The following VGLL4 variants were observed in gnomAD, a reference collection of about 807,000 sequenced individuals.
The protein encoded by VGLL4 is vestigial like family member 4.
A neutral mutation model predicts 21.0 loss-of-function variants in VGLL4; 7 were observed. The ratio of observed to expected loss-of-function variants is 0.33; its 90% CI spans 0.19 to 0.63. The LOEUF is 0.63. VGLL4 is among the 20% of genes least tolerant of loss of function. VGLL4 has a pLI of 0.78. For synonymous variants in VGLL4, 222 were observed against 173.2 expected (o/e 1.28, Z -2.21); for missense variants, 394 against 425.7 (o/e 0.93, Z 0.66).
At chr3:11,676,201 C>G (rs1006034163) in intron 2 of VGLL4, among the ~76,000 whole-genome samples, 2 of 152,018 alleles carry the variant, frequency 1.3e-5, no homozygotes, top group African/African-American at 4.8e-5. Context: ...TCCTGGCTAA[C>G]ACGGTGAAAC....
chr3:11,710,862 G>A (rs1559958262), intron 1 of VGLL4, among the ~76,000 whole-genome samples: 1 of 152,162 alleles, frequency 6.6e-6, no homozygotes. Flanking sequence ...CACTTTGAGA[G>A]GCTGAGGCAG....
intron 2 of VGLL4, among the ~76,000 whole-genome samples, chr3:11,600,370 G>T (rs941639474): frequency 7.5e-6 from 1 of 133,990 alleles, no homozygotes; most frequent in East Asian, 2.3e-4. Flanking sequence ...AAAAGAAAAA[G>T]AAAAAAAAAA....
At chr3:11,629,822 T>C (rs1413274636) in intron 1 of VGLL4, among the ~76,000 whole-genome samples, 6 of 147,714 alleles carry the variant, frequency 4.1e-5, no homozygotes, top group African/African-American at 1.5e-4. Flanking sequence ...GAGAAAAAAC[T>C]CAAAGAATCT....
At chr3:11,573,367 GAAAGAAAGAA>G (rs1227847078) in intron 2 of VGLL4, among the ~76,000 whole-genome samples, 46 of 134,938 alleles carry the variant, frequency 3.4e-4, no homozygotes, top group African/African-American at 1.1e-3. Flanking sequence ...AAGAAAGAAA[GAAAGAAAGAA>G]AGAAAGAAAG....
At chr3:11,641,457 C>T (rs1342752133) in intron 1 of VGLL4, among the ~76,000 whole-genome samples, 1 of 152,098 alleles carries the variant, frequency 6.6e-6, no homozygotes, top group Non-Finnish European at 1.5e-5. Flanking sequence ...CCAACTTTTC[C>T]TACAAAAAAA....
intron 2 of VGLL4, among the ~76,000 whole-genome samples, chr3:11,590,940 A>G (rs1027142560): frequency 2.6e-5 from 4 of 152,216 alleles, no homozygotes; most frequent in African/African-American, 9.6e-5. Flanking sequence ...GTCTTCAATC[A>G]AATCTATTAA....
chr3:11,680,889 T>C (rs1267557412), intron 2 of VGLL4, among the ~76,000 whole-genome samples: 1 of 151,842 alleles, frequency 6.6e-6, no homozygotes, highest in African/African-American at 2.4e-5. Flanking sequence ...ACGCGATGAG[T>C]ATCTGTTGAG....
chr3:11,659,326 C>CTTTTTTTTTTTTT (rs5846714), intron 2 of VGLL4, among the ~76,000 whole-genome samples: 4 of 70,822 alleles, frequency 5.6e-5, no homozygotes, highest in Non-Finnish European at 7.8e-5. Flanking sequence ...TTTTCTTTTT[C>CTTTTTTTTTTTTT]TTTTTTTTTT....
chr3:11,628,694 C>T (rs2075411490), intron 1 of VGLL4, among the ~76,000 whole-genome samples: 1 of 152,140 alleles, frequency 6.6e-6, no homozygotes, highest in Non-Finnish European at 1.5e-5. Flanking sequence ...GTGGCGGGCG[C>T]CTGTAATCCC....
At chr3:11,660,538 T>C (rs1037571641) in intron 2 of VGLL4, among the ~76,000 whole-genome samples, 1 of 152,232 alleles carries the variant, frequency 6.6e-6, no homozygotes, top group African/African-American at 2.4e-5. Flanking sequence ...CCACTTGCTA[T>C]GAAAATCCTT....
intron 2 of VGLL4, among the ~76,000 whole-genome samples, chr3:11,671,722 T>C (rs1260178336): frequency 1.0e-5 from 1 of 98,884 alleles, no homozygotes; most frequent in African/African-American, 3.9e-5. Flanking sequence ...AAAAATTCAC[T>C]TTTTTTTTTT....
intron 2 of VGLL4, among the ~76,000 whole-genome samples, chr3:11,665,199 C>T (rs1466873627): frequency 6.8e-6 from 1 of 147,812 alleles, no homozygotes; most frequent in Admixed American, 6.8e-5. Context: ...CTGCAAGCTC[C>T]GCCTCCTGGG....
intron 2 of VGLL4, among the ~76,000 whole-genome samples, chr3:11,574,918 A>G (rs1346510418): frequency 6.6e-6 from 1 of 151,874 alleles, no homozygotes; most frequent in African/African-American, 2.4e-5. Context: ...ATGCGCCTAC[A>G]TACAAAAGGG....
At chr3:11,696,240 T>C (rs1302386764) in intron 2 of VGLL4, among the ~76,000 whole-genome samples, 1 of 152,196 alleles carries the variant, frequency 6.6e-6, no homozygotes, top group Non-Finnish European at 1.5e-5. Context: ...CCAGAGGACT[T>C]GGCACTCTGA....
chr3:11,571,977 C>A (rs1418989385), intron 2 of VGLL4, among the ~76,000 whole-genome samples: 2 of 152,168 alleles, frequency 1.3e-5, no homozygotes, highest in Non-Finnish European at 2.9e-5. Flanking sequence ...CGTGGTGTCA[C>A]GTACCTGCAG....
chr3:11,565,057 C>G lies in VGLL4; in HGVS notation c.273-38G>C. On this transcript the variant is annotated intron_variant, in intron 2 of 4. Transcript: ENST00000430365. This position sits in a 1 kb window ranked among gnomAD's most constrained non-coding sequence, Gnocchi z 4.1. Reference sequence around the variant, plus strand: ...AATGGGCATTCAGGGGGCGTTTTCTCAAAGGCAAAGGGGACAGTGACTGTG... The same window carrying G: ...AATGGGCATTCAGGGGGCGTTTTCTGAAAGGCAAAGGGGACAGTGACTGTG... The G allele has an allele frequency of 6.9e-7, 1 of 1,455,582 alleles. No individual in the cohort carries two copies. The highest frequency in any genetic ancestry group is 1.5e-5 in the South Asian group (1 of 66,800). The allele number at this position is 1,455,582 out of a possible 1,614,324, so 90.2% of individuals were successfully genotyped here.
At chr3:11,678,625 C>T (rs1194923939) in intron 2 of VGLL4, among the ~76,000 whole-genome samples, 2 of 152,090 alleles carry the variant, frequency 1.3e-5, no homozygotes, top group East Asian at 1.9e-4. Flanking sequence ...TCCAGGAGGT[C>T]GAGGCTGCAG....
At position 11,624,606 on chromosome 3, in the gene VGLL4, A is replaced by G. The variant is rs184504028; in HGVS notation, c.82+18831T>C. Reference sequence around the variant, plus strand: ...CCCATGCCTCAGTTTCCCCATATGGAAAATAGCTATACTATCTGCTGCCTT... The same window carrying G: ...CCCATGCCTCAGTTTCCCCATATGGGAAATAGCTATACTATCTGCTGCCTT... On this transcript the variant is annotated intron_variant, in intron 1 of 4. Coordinates refer to ENST00000430365, the MANE Select transcript of VGLL4 (RefSeq NM_001128219.3). Among the ~76,000 whole-genome samples the G allele has an allele frequency of 3.0e-4, 46 of 152,228 alleles. No individual in the cohort carries two copies. The East Asian group carries it at 8.3e-3, about 27-fold the overall frequency.
intron 1 of VGLL4, among the ~76,000 whole-genome samples, chr3:11,709,504 T>C (rs1018447237): frequency 6.6e-6 from 1 of 151,436 alleles, no homozygotes; most frequent in Non-Finnish European, 1.5e-5. Context: ...TGCAAACCAG[T>C]TTCTGGTCTA....
Sources: allele counts gnomAD v4.1 joint callset (sites outside exome capture counted in the v4.1 genomes callset), GRCh38; gene constraint gnomAD v4.1.1; non-coding constraint Gnocchi (gnomAD v3.1); transcripts MANE v1.5; gene names NCBI Gene and HGNC (gene_info 2026-07-23, HGNC 2026-07-21).